Variants in COL21A1 observed in about 807,000 individuals in gnomAD.
COL21A1 encodes the protein collagen alpha-1(XXI) chain.
A neutral mutation model predicts 137.9 loss-of-function variants in COL21A1; 149 were observed. The ratio of observed to expected loss-of-function variants is 1.08; its 90% CI spans 0.95 to 1.24. The LOEUF is 1.24. COL21A1 is among the 50% of genes most tolerant of loss of function. The pLI, the probability that COL21A1 is intolerant of heterozygous loss-of-function variation, is 0.00. For missense variants in COL21A1, 1,167 were observed against 1,158.4 expected, an observed-to-expected ratio of 1.01 and a Z score of -0.11; for synonymous variants, 456 against 391.5, an observed-to-expected ratio of 1.16 and a Z score of -1.95.
intron 1 of COL21A1, among the ~76,000 whole-genome samples, chr6:56,295,643 T>C (rs1047316061): frequency 6.6e-6 from 1 of 151,882 alleles, no homozygotes; most frequent in Admixed American, 6.6e-5. Flanking sequence ...TTTCCTCACA[T>C]AGATTTTGGA....
chr6:56,100,428 G>T (rs1373729099), intron 17 of COL21A1, among the ~76,000 whole-genome samples: 1 of 151,118 alleles, frequency 6.6e-6, no homozygotes, highest in African/African-American at 2.4e-5. Context: ...ACCCTATGAA[G>T]TAAGCACTAT....
At chr6:56,150,765 T>C (rs79344793) in intron 10 of COL21A1, among the ~76,000 whole-genome samples, 5,358 of 152,142 alleles carry the variant, frequency 0.035, 238 homozygotes, top group African/African-American at 0.1. Flanking sequence ...GAATATCAGA[T>C]TAGAGAGAAC....
chr6:56,359,439 A>G (rs893604259), intron 1 of COL21A1, among the ~76,000 whole-genome samples: 18 of 152,162 alleles, frequency 1.2e-4, no homozygotes, highest in Non-Finnish European at 1.9e-4. Flanking sequence ...GCACCTCACA[A>G]TACCTTTCTT....
At chr6:56,331,646 TTTA>T (rs768473848) in intron 1 of COL21A1, 7 of 152,154 alleles carry the variant, frequency 4.6e-5, no homozygotes, top group Non-Finnish European at 5.9e-5. Flanking sequence ...TGTGTCTATT[TTTA>T]TACCAGTACC....
rs549422152 is a variant in COL21A1 at position 56,276,156 on chromosome 6, GGA to G, written c.-38-93502_-38-93501del. ...TACCACATGTTCTCACGTATAAGTG[GGA>G]GCCAAACATTGTGTACACATGGTAA... On this transcript the variant is annotated intron_variant, in intron 1 of 28. Coordinates refer to the COL21A1 transcript ENST00000370819. Among the ~76,000 whole-genome samples the G allele has an allele frequency of 2.6e-3, 397 of 152,228 alleles. 1 individual carries two copies. Among genetic ancestry groups the G allele is most frequent in the Non-Finnish European group, 4.5e-3 (307 of 68,014 alleles).
At position 56,199,293 on chromosome 6, in the gene COL21A1, T is replaced by G. The variant is rs192985542; in HGVS notation, c.-38-16637A>C. ...CTACCTTCTCAAATATGGAATTCTGTTTTTTTTTTAATCAACCTTTTAATG... is the reference window on the plus strand; with the variant it reads ...CTACCTTCTCAAATATGGAATTCTGGTTTTTTTTTAATCAACCTTTTAATG... On this transcript the variant is annotated intron_variant, in intron 1 of 29. Transcript: ENST00000244728. 2.4e-4 allele frequency among the ~76,000 whole-genome samples: 28 copies of G among 115,354 alleles called. 2 individuals carry two copies. The highest frequency in any genetic ancestry group is 8.4e-4 in the African/African-American group (23 of 27,450). 75.7% of individuals were successfully genotyped at this position (115,354 alleles called of 152,430 possible).
At chr6:56,076,076 A>T (rs1435825967) in intron 18 of COL21A1, among the ~76,000 whole-genome samples, 1 of 151,438 alleles carries the variant, frequency 6.6e-6, no homozygotes, top group Admixed American at 6.6e-5. Context: ...TGGGGCTATA[A>T]TTATGAGAAT....
At chr6:56,387,021 G>A (rs1234198821) in intron 1 of COL21A1, among the ~76,000 whole-genome samples, 1 of 152,150 alleles carries the variant, frequency 6.6e-6, no homozygotes, top group East Asian at 1.9e-4. Flanking sequence ...TCTTAAAAGT[G>A]AACTCACCTT....
chr6:56,277,856 T>C (rs950451963), intron 1 of COL21A1, among the ~76,000 whole-genome samples: 16 of 152,350 alleles, frequency 1.1e-4, no homozygotes, highest in African/African-American at 3.4e-4. Flanking sequence ...ACTTAACATG[T>C]ATATTTCTGA....
At chr6:56,349,291 A>C (rs192699208) in intron 1 of COL21A1, among the ~76,000 whole-genome samples, 2 of 152,194 alleles carry the variant, frequency 1.3e-5, no homozygotes, top group Admixed American at 1.3e-4. Context: ...CATTTCTTTT[A>C]ATTGTATGTT....
Position 56,185,820 on chromosome 6 carries a change from C to T in COL21A1, c.-38-3164G>A, listed in dbSNP as rs1229013487. Among the ~76,000 whole-genome samples, 4 of 152,144 alleles carry T rather than the reference C, an allele frequency of 2.6e-5. No homozygotes were observed. In the East Asian group the frequency reaches 7.7e-4, roughly 29 times the overall value. Reference sequence around the variant, plus strand: ...TTAAATTATTAATCAAAAACATTCACACAAAGAAAACTCCTGGTCCAGATA... The same window carrying T: ...TTAAATTATTAATCAAAAACATTCATACAAAGAAAACTCCTGGTCCAGATA... On this transcript the variant is annotated intron_variant, in intron 1 of 29. Coordinates refer to ENST00000244728, the MANE Select transcript of COL21A1 (RefSeq NM_030820.4).
intron 1 of COL21A1, among the ~76,000 whole-genome samples, chr6:56,307,408 A>C (rs1413301397): frequency 1.3e-5 from 2 of 152,066 alleles, no homozygotes; most frequent in Non-Finnish European, 2.9e-5. Flanking sequence ...TTACCTACTC[A>C]AGCCTCAGCA....
At chr6:56,380,756 G>A (rs1293506897) in intron 1 of COL21A1, among the ~76,000 whole-genome samples, 3 of 152,148 alleles carry the variant, frequency 2.0e-5, no homozygotes, top group African/African-American at 7.2e-5. Flanking sequence ...TAAATGTAGG[G>A]CTGCAGAGCT....
At chr6:56,179,432 C>A (rs1777728495) in intron 3 of COL21A1, 146 bp downstream of exon 3, 1 of 660,478 alleles carries the variant, frequency 1.5e-6, no homozygotes, top group Admixed American at 3.4e-5. Flanking sequence ...ATAAATATAA[C>A]ATTTATAACA....
At chr6:56,223,266 C>G (rs2152313547) in intron 1 of COL21A1, among the ~76,000 whole-genome samples, 1 of 152,036 alleles carries the variant, frequency 6.6e-6, no homozygotes, top group Admixed American at 6.6e-5. Flanking sequence ...TCTTTATTGT[C>G]TTGAGCTTAT....
At chr6:56,172,693 C>T (rs1381595502) in intron 3 of COL21A1, among the ~76,000 whole-genome samples, 3 of 151,828 alleles carry the variant, frequency 2.0e-5, no homozygotes, top group African/African-American at 7.3e-5. Flanking sequence ...AGTTAAAAGA[C>T]AAAAGCATTT....
At chr6:56,226,816 A>T (rs1781225367) in intron 1 of COL21A1, among the ~76,000 whole-genome samples, 1 of 152,038 alleles carries the variant, frequency 6.6e-6, no homozygotes, top group Non-Finnish European at 1.5e-5. Flanking sequence ...TTATGTTGTT[A>T]TGACAATGAA....
intron 1 of COL21A1, among the ~76,000 whole-genome samples, chr6:56,284,790 A>T (rs9349809): frequency 0.19 from 28,419 of 152,106 alleles, 4,130 homozygotes; most frequent in East Asian, 0.62. Flanking sequence ...AGCTATGATT[A>T]GTTCACCCTA....
In COL21A1 at chr6:56,365,533, T is replaced by C. The variant is rs571836260; in HGVS notation, c.-39+28438A>G. ...GGTTTTGCTATTTTATTGCTTAGGATGTCTTAATGTAAGCTGCCTCCCCTC... is the reference window on the plus strand; with the variant it reads ...GGTTTTGCTATTTTATTGCTTAGGACGTCTTAATGTAAGCTGCCTCCCCTC... On this transcript the variant is annotated intron_variant, in intron 1 of 28. Coordinates refer to the COL21A1 transcript ENST00000370819. Among the ~76,000 whole-genome samples the C allele has an allele frequency of 5.3e-5, 8 of 152,312 alleles. No individual in the cohort carries two copies. The South Asian group carries it at 1.2e-3, about 24-fold the overall frequency.
Sources: gnomAD v4.1 joint callset for allele counts (sites outside exome capture counted in the v4.1 genomes callset) on GRCh38, gnomAD v4.1.1 for gene constraint, MANE v1.5 for transcripts, NCBI Gene and HGNC (gene_info 2026-07-23, HGNC 2026-07-21) for gene names.